CACNA1D: variants seen among roughly 807,000 people sequenced by gnomAD.
The protein encoded by CACNA1D is voltage-dependent L-type calcium channel subunit alpha-1D.
CACNA1D carries 55 observed loss-of-function variants against 257.1 expected under a neutral mutation model. The observed-to-expected ratio is 0.21, with a 90% CI of 0.17 to 0.27. The LOEUF is 0.27. Among genes scored for constraint, CACNA1D ranks in the 10% least tolerant of loss-of-function variants. The pLI, the probability that CACNA1D is intolerant of heterozygous loss-of-function variation, is 1.00. For synonymous variants in CACNA1D, 980 were observed against 1,014.9 expected (o/e 0.97, Z 0.65); for missense variants, 1,876 against 2,784.0 (o/e 0.67, Z 7.34).
At chr3:53,572,402 A>G (rs2107695313) in intron 3 of CACNA1D, among the ~76,000 whole-genome samples, 1 of 139,584 alleles carries the variant, frequency 7.2e-6, no homozygotes, top group South Asian at 2.3e-4. Context: ...TTATTTATTT[A>G]TTTATTTATG....
intron 8 of CACNA1D, among the ~76,000 whole-genome samples, chr3:53,691,850 T>TATATAATATATATTATATATTAC (rs2094528763): frequency 9.2e-6 from 1 of 109,042 alleles, no homozygotes; most frequent in African/African-American, 3.4e-5. Flanking sequence ...ACATATATAA[T>TATATAATATATATTATATATTAC]ATATAATATA....
At chr3:53,555,437 GGT>G (rs1165879084) in intron 3 of CACNA1D, among the ~76,000 whole-genome samples, 11 of 122,912 alleles carry the variant, frequency 8.9e-5, no homozygotes, top group South Asian at 5.8e-4. Context: ...TTTTCTGGTG[GGT>G]GTGTGTGTGT....
At chr3:53,513,654 A>G (rs1040427337) in intron 3 of CACNA1D, among the ~76,000 whole-genome samples, 3 of 152,110 alleles carry the variant, frequency 2.0e-5, no homozygotes, top group Admixed American at 6.5e-5. Flanking sequence ...AGTAAATTCA[A>G]TGTAGTCTGA....
intron 8 of CACNA1D, among the ~76,000 whole-genome samples, chr3:53,691,680 TA>T (rs1447000510): frequency 1.6e-5 from 2 of 127,218 alleles, no homozygotes; most frequent in Non-Finnish European, 3.2e-5. Context: ...ATATGTAATA[TA>T]TATATTGCAG....
At chr3:53,721,164 G>A (rs1287121985) in intron 11 of CACNA1D, among the ~76,000 whole-genome samples, 1 of 152,194 alleles carries the variant, frequency 6.6e-6, no homozygotes, top group African/African-American at 2.4e-5. Flanking sequence ...TGGCCAACAT[G>A]TTAGAAGCTG....
In CACNA1D at chr3:53,494,991, C is replaced by A. The variant is rs951921293; in HGVS notation, c.-176C>A. On this transcript the variant is annotated 5_prime_UTR_variant, in exon 1 of 48. Transcript: ENST00000350061. ...GTGGCGAGCGGTTTTTTTTTTAAAT[C>A]AATTATCCTTATTTTCTGTTATTTG... The A allele has an allele frequency of 1.2e-5, 5 of 414,320 alleles. No homozygotes were observed. The highest frequency in any genetic ancestry group is 1.9e-5 in the Non-Finnish European group (4 of 212,684). 25.7% of individuals were successfully genotyped at this position (414,320 alleles called of 1,614,324 possible). A position where few individuals can be genotyped will look rare whatever the true frequency, so the allele number is the denominator to read the frequency against.
At chr3:53,625,352 T>G (rs960228077) in intron 3 of CACNA1D, among the ~76,000 whole-genome samples, 2 of 152,214 alleles carry the variant, frequency 1.3e-5, no homozygotes, top group Non-Finnish European at 2.9e-5. Context: ...GTATTCCCAC[T>G]GTGTCTCCCA....
At chr3:53,557,788 G>A (rs1258105525) in intron 3 of CACNA1D, among the ~76,000 whole-genome samples, 2 of 152,208 alleles carry the variant, frequency 1.3e-5, no homozygotes, top group African/African-American at 4.8e-5. Context: ...ATAAAGCGGG[G>A]TGACTTGAAT....
At chr3:53,653,910 A>G (rs2094123469) in intron 4 of CACNA1D, among the ~76,000 whole-genome samples, 1 of 152,214 alleles carries the variant, frequency 6.6e-6, no homozygotes, top group Non-Finnish European at 1.5e-5. Flanking sequence ...CAAATTGTTA[A>G]AAACCAAAGA....
In CACNA1D at chr3:53,805,037, G is replaced by A; in HGVS notation, c.5640G>A (p.Arg1880=). 4 of 1,614,162 alleles carry A rather than the reference G, an allele frequency of 2.5e-6. No homozygotes were observed. Among genetic ancestry groups the A allele is most frequent in the Non-Finnish European group, 2.5e-6 (3 of 1,180,012 alleles). The change falls in exon 45 of 48, where the codon AGG becomes AGA. Residue 1880 remains arginine, a synonymous_variant. Coordinates refer to ENST00000350061, the MANE Select transcript of CACNA1D (RefSeq NM_001128840.3). The part of the protein sequence containing the change: ...RYPGRNIDSE[R]PRGYHHPQGF... ...CAGGCAGAAACATCGACTCTGAGAG[G>A]CCCCGAGGCTACCATCATCCCCAAG...
chr3:53,544,990 T>C (rs1044399023), intron 3 of CACNA1D, among the ~76,000 whole-genome samples: 43 of 152,192 alleles, frequency 2.8e-4, no homozygotes, highest in African/African-American at 9.9e-4. Flanking sequence ...CCATAGGGAT[T>C]AGCTAATGTT....
intron 3 of CACNA1D, among the ~76,000 whole-genome samples, chr3:53,612,681 T>C (rs2093595952): frequency 6.6e-6 from 1 of 152,152 alleles, no homozygotes; most frequent in Non-Finnish European, 1.5e-5. Flanking sequence ...ACTCCCTACA[T>C]TCCAGACTGT....
At chr3:53,612,825 C>G (rs978681599) in intron 3 of CACNA1D, among the ~76,000 whole-genome samples, 3 of 152,160 alleles carry the variant, frequency 2.0e-5, no homozygotes, top group African/African-American at 4.8e-5. Flanking sequence ...GAGCCCATCT[C>G]TCAGGCATTA....
intron 3 of CACNA1D, among the ~76,000 whole-genome samples, chr3:53,551,365 T>C (rs2107583507): frequency 6.6e-6 from 1 of 152,298 alleles, no homozygotes. Context: ...ACTCTCAGGC[T>C]CCCTGTAAGG....
At chr3:53,784,139 G>A (rs959079899) in intron 39 of CACNA1D, among the ~76,000 whole-genome samples, 7 of 152,290 alleles carry the variant, frequency 4.6e-5, no homozygotes, top group Non-Finnish European at 7.4e-5. Flanking sequence ...GTGGCCCGGG[G>A]GTCTCCGCTG....
In CACNA1D at chr3:53,793,062, C is replaced by T. The variant is rs2095491659; in HGVS notation, c.4923+6110C>T. The stretch of plus-strand genomic sequence containing the variant: ...GGAACACTCCAGTGTGGCCAGGCCA[C>T]TTGTCAAGATGTTGAAGCACAGCTG... On this transcript the variant is annotated intron_variant, in intron 40 of 47. Coordinates refer to ENST00000350061, the MANE Select transcript of CACNA1D (RefSeq NM_001128840.3). The surrounding 1 kb of genome is among the most constrained non-coding windows in gnomAD (Gnocchi z 4.1). Among the ~76,000 whole-genome samples the T allele has an allele frequency of 6.6e-6, 1 of 152,206 alleles. No individual in the cohort carries two copies. Among genetic ancestry groups the T allele is most frequent in the African/African-American group, 2.4e-5 (1 of 41,452 alleles).
intron 3 of CACNA1D, among the ~76,000 whole-genome samples, chr3:53,542,692 G>C (rs535867167): frequency 9.8e-4 from 149 of 152,298 alleles, no homozygotes; most frequent in African/African-American, 3.3e-3. Context: ...CTTACCAATA[G>C]ACAGGAAAGT....
intron 3 of CACNA1D, among the ~76,000 whole-genome samples, chr3:53,533,965 A>G (rs1015558210): frequency 2.6e-5 from 4 of 152,200 alleles, no homozygotes; most frequent in Non-Finnish European, 5.9e-5. Flanking sequence ...AATACATTTC[A>G]GAAGAATATT....
intron 3 of CACNA1D, among the ~76,000 whole-genome samples, chr3:53,570,692 T>C (rs1475558737): frequency 6.6e-6 from 1 of 152,256 alleles, no homozygotes; most frequent in East Asian, 1.9e-4. Context: ...ATACGGACTC[T>C]CTCACACTGT....
Sources: gnomAD v4.1 joint callset for allele counts (sites outside exome capture counted in the v4.1 genomes callset) on GRCh38, gnomAD v4.1.1 for gene constraint, Gnocchi (gnomAD v3.1) non-coding constraint, MANE v1.5 for transcripts, NCBI Gene and HGNC (gene_info 2026-07-23, HGNC 2026-07-21) for gene names.